Variants in TTC21B observed in about 807,000 individuals in gnomAD.
TTC21B encodes tetratricopeptide repeat protein 21B.
TTC21B carries 127 observed loss-of-function variants against 175.1 expected under a neutral mutation model. The ratio of observed to expected loss-of-function variants is 0.73; its 90% CI spans 0.63 to 0.84. The LOEUF (loss-of-function observed/expected upper bound fraction) is 0.84, where lower values mean the gene tolerates loss of function less well. TTC21B is among the 40% of genes least tolerant of loss of function. The probability of loss-of-function intolerance (pLI) is 0.00; values close to 1 mark genes in which losing one functional copy is unlikely to be tolerated. For missense variants in TTC21B, 1,561 were observed against 1,558.3 expected (o/e 1.00, Z -0.03); for synonymous variants, 524 against 524.5 (o/e 1.00, Z 0.01).
chr2:165,946,207 C>A (rs1459433126), intron 3 of TTC21B, among the ~76,000 whole-genome samples: 1 of 150,030 alleles, frequency 6.7e-6, no homozygotes, highest in Admixed American at 6.7e-5. Context: ...GGCGTGATAG[C>A]GTGCACCTGT....
intron 19 of TTC21B, among the ~76,000 whole-genome samples, chr2:165,906,978 G>GAAAA (rs1375134643): frequency 8.5e-6 from 1 of 117,828 alleles, no homozygotes; most frequent in African/African-American, 3.1e-5. Flanking sequence ...AAAAAAAAAA[G>GAAAA]AAAAAAAGAA....
At chr2:165,933,281 T>C (rs1320568030) in intron 6 of TTC21B, among the ~76,000 whole-genome samples, 1 of 152,182 alleles carries the variant, frequency 6.6e-6, no homozygotes, top group Non-Finnish European at 1.5e-5. Context: ...TATGAATAGA[T>C]TATACTAGTC....
At position 165,953,698 on chromosome 2, in the gene TTC21B, G is replaced by C; in HGVS notation, c.8C>G (p.Ser3Trp). Residue 3 changes from serine (S) to tryptophan (W), a missense_variant, in exon 1 of 29, where the codon TCG (serine) becomes TGG (tryptophan). Coordinates refer to ENST00000243344, the MANE Select transcript of TTC21B (RefSeq NM_024753.5). Reference sequence around the variant, plus strand: ...TCACCCGCTCACCTTCAATTCCTGCGAGTCCATGGCTGCCCCGAGGCCGGG... The same window carrying C: ...TCACCCGCTCACCTTCAATTCCTGCCAGTCCATGGCTGCCCCGAGGCCGGG... MD[S>W]QELKTLINYY... is the part of the protein sequence containing the mutation. 1 of 1,369,170 alleles carries C rather than the reference G, an allele frequency of 7.3e-7. No individual in the cohort carries two copies. Among genetic ancestry groups the C allele is most frequent in the Non-Finnish European group, 9.6e-7 (1 of 1,041,746 alleles). 84.8% of individuals were successfully genotyped at this position (1,369,170 alleles called of 1,614,324 possible).
At chr2:165,907,409 T>C (rs1053944554) in intron 19 of TTC21B, among the ~76,000 whole-genome samples, 1 of 152,216 alleles carries the variant, frequency 6.6e-6, no homozygotes, top group Admixed American at 6.5e-5. Context: ...CAAATCCTGA[T>C]GACACTATTC....
intron 12 of TTC21B, 40 bp from the exon 13 acceptor site, chr2:165,919,473 T>G (rs1223285609): frequency 1.9e-6 from 3 of 1,598,680 alleles, no homozygotes; most frequent in Non-Finnish European, 1.7e-6. Context: ...TTCAAATGAT[T>G]AAGAAATGGA....
chr2:165,878,105 A>G (rs1358724195), intron 27 of TTC21B, among the ~76,000 whole-genome samples: 1 of 152,202 alleles, frequency 6.6e-6, no homozygotes, highest in Non-Finnish European at 1.5e-5. Flanking sequence ...TATAATTTTA[A>G]AAATCATATA....
chr2:165,945,453 G>T, intron 4 of TTC21B, 71 bp downstream of exon 4: 1 of 1,386,336 alleles, frequency 7.2e-7, no homozygotes, highest in Non-Finnish European at 1.0e-6. Flanking sequence ...CTAAATCACA[G>T]ATACTACTGG....
intron 25 of TTC21B, among the ~76,000 whole-genome samples, chr2:165,884,496 T>C (rs1160797211): frequency 6.6e-6 from 1 of 152,150 alleles, no homozygotes; most frequent in African/African-American, 2.4e-5. Context: ...TTCTATTGCT[T>C]TTTTTCCCCC....
intron 19 of TTC21B, among the ~76,000 whole-genome samples, chr2:165,906,327 T>A (rs1685733216): frequency 6.9e-6 from 1 of 145,084 alleles, no homozygotes; most frequent in African/African-American, 2.5e-5. Context: ...AATTATGAGG[T>A]TAAAACATTT....
intron 6 of TTC21B, among the ~76,000 whole-genome samples, chr2:165,938,627 T>C (rs1482643274): frequency 1.3e-5 from 2 of 151,632 alleles, no homozygotes; most frequent in East Asian, 1.9e-4. Context: ...ATCTAGATCA[T>C]GGAAAATGCT....
At chr2:165,951,408 G>A (rs774979558) in intron 1 of TTC21B, among the ~76,000 whole-genome samples, 21 of 151,880 alleles carry the variant, frequency 1.4e-4, no homozygotes, top group Non-Finnish European at 2.6e-4. Flanking sequence ...GTTCTATTCT[G>A]AAAAAAATAA....
Position 165,924,623 on chromosome 2 carries a change from A to C in TTC21B, c.1442T>G (p.Leu481Arg), listed in dbSNP as rs765404587. The change falls in exon 12 of 29, where the codon CTG becomes CGG. Residue 481 changes from leucine (L) to arginine (R), a missense_variant. Physicochemically the swap from Leu to Arg is moderately radical, Grantham distance 102. Transcript: ENST00000243344. The stretch of plus-strand genomic sequence containing the variant: ...TGGAACAGTTCTTACTACAGTCTCC[A>C]GGACTGAGATGCAACGCCTGAGAAG... ...CPLLRRCISV[L>R]ETVVRTVPGL... The C allele has an allele frequency of 6.2e-7, 1 of 1,613,834 alleles. No homozygotes were observed. Among genetic ancestry groups the C allele is most frequent in the Admixed American group, 1.7e-5 (1 of 60,018 alleles).
At position 165,917,454 on chromosome 2, in the gene TTC21B, T is replaced by A; in HGVS notation, c.1702A>T (p.Ile568Leu). Residue 568 changes from isoleucine (I) to leucine (L), a missense_variant, in exon 14 of 29, where the codon ATA (isoleucine) becomes TTA (leucine). By Grantham distance (5) the Ile-to-Leu change is conservative (BLOSUM62 2). Transcript: ENST00000243344. ...ATTTTCTTTTGTGACTGAGCTTTTA[T>A]CAAATGGTATAAAGGATAGTCTCTC... Reference protein sequence around the residue: ...KVRDYPLYHLIKAQSQKKMGE... With the variant: ...KVRDYPLYHLLKAQSQKKMGE... The A allele has an allele frequency of 6.2e-7, 1 of 1,613,638 alleles. No individual in the cohort carries two copies. Among genetic ancestry groups the A allele is most frequent in the South Asian group, 1.1e-5 (1 of 91,074 alleles).
At chr2:165,950,134 A>C (rs2105371111) in intron 1 of TTC21B, among the ~76,000 whole-genome samples, 1 of 142,698 alleles carries the variant, frequency 7.0e-6, no homozygotes, top group East Asian at 2.1e-4. Flanking sequence ...TAAAAAAAAA[A>C]ATCTTCTTTT....
At chr2:165,897,997 C>G (rs1053469336) in intron 22 of TTC21B, among the ~76,000 whole-genome samples, 6 of 152,106 alleles carry the variant, frequency 3.9e-5, no homozygotes, top group Admixed American at 1.3e-4. Flanking sequence ...TAGGGTGCAG[C>G]AGTGGATGAG....
At chr2:165,890,310 T>C (rs1014834498) in intron 24 of TTC21B, among the ~76,000 whole-genome samples, 169 bp downstream of exon 24, 1 of 152,314 alleles carries the variant, frequency 6.6e-6, no homozygotes, top group Non-Finnish European at 1.5e-5. Context: ...ACTATTCAAT[T>C]TGCTAAAATA....
At chr2:165,947,188 A>G (rs1335133686) in intron 3 of TTC21B, 1 of 130,212 alleles carries the variant, frequency 7.7e-6, no homozygotes, top group African/African-American at 3.1e-5. Context: ...ATATATATAT[A>G]TATATTAGTA....
rs373105440 is a variant in TTC21B, at chr2:165,926,997, T to C, written c.1386+2138A>G. Among the ~76,000 whole-genome samples, 116 of 57,094 alleles carry C rather than the reference T, an allele frequency of 2.0e-3. 7 individuals are homozygous for C. Among genetic ancestry groups the C allele is most frequent in the Non-Finnish European group, 2.8e-3 (61 of 22,030 alleles). The allele number at this position is 57,094 out of a possible 152,430, so 37.5% of individuals were successfully genotyped here. A position where few individuals can be genotyped will look rare whatever the true frequency, so the allele number is the denominator to read the frequency against. ...GAGTATATATATAAACTCCCATATA[T>C]ATATATATATATATATATATCTCCT... is the stretch of plus-strand genomic sequence containing the variant. On this transcript the variant is annotated intron_variant, in intron 11 of 28. Coordinates refer to ENST00000243344, the MANE Select transcript of TTC21B (RefSeq NM_024753.5).
chr2:165,921,139 G>A (rs1211053679), intron 12 of TTC21B, among the ~76,000 whole-genome samples: 1 of 152,132 alleles, frequency 6.6e-6, no homozygotes, highest in African/African-American at 2.4e-5. Flanking sequence ...ATATGACTTG[G>A]AATGGGGGCT....
Sources: gnomAD v4.1 joint callset for allele counts (sites outside exome capture counted in the v4.1 genomes callset) on GRCh38, gnomAD v4.1.1 for gene constraint, MANE v1.5 for transcripts, NCBI Gene and HGNC (gene_info 2026-07-23, HGNC 2026-07-21) for gene names.